The following RANBP2 variants were observed in gnomAD, a reference collection of about 807,000 sequenced individuals.
RANBP2 encodes E3 SUMO-protein ligase RanBP2.
RANBP2 carries 57 observed loss-of-function variants against 303.6 expected under a neutral mutation model. The ratio of observed to expected loss-of-function variants is 0.19; its 90% CI spans 0.15 to 0.23. The LOEUF (loss-of-function observed/expected upper bound fraction) is 0.23, where lower values mean the gene tolerates loss of function less well. Ranked by LOEUF, RANBP2 falls within the 10% of genes least tolerant of loss-of-function variation. The pLI, the probability that RANBP2 is intolerant of heterozygous loss-of-function variation, is 1.00. For missense variants in RANBP2, 3,138 were observed against 3,780.8 expected, an observed-to-expected ratio of 0.83 and a Z score of 4.46; for synonymous variants, 1,167 against 1,301.5, an observed-to-expected ratio of 0.90 and a Z score of 2.23.
chr2:109,536,569 C>A, the RANBP2 span, among the ~76,000 whole-genome samples: 1 of 152,162 alleles, frequency 6.6e-6, no homozygotes, highest in Non-Finnish European at 1.5e-5. Context: ...AGGGACTTGC[C>A]TTGTCTCAGA....
At chr2:109,058,687 A>G in the RANBP2 span, among the ~76,000 whole-genome samples, 2 of 152,214 alleles carry the variant, frequency 1.3e-5, no homozygotes, top group East Asian at 1.9e-4. Context: ...GGGAGCAACC[A>G]TTTTTATAGA....
chr2:109,621,838 G>A, the RANBP2 span, among the ~76,000 whole-genome samples: 1 of 151,950 alleles, frequency 6.6e-6, no homozygotes, highest in Non-Finnish European at 1.5e-5. Flanking sequence ...TCTTTAACCC[G>A]GGAGGCGGAG....
chr2:108,819,216 T>C, the RANBP2 span, among the ~76,000 whole-genome samples: 1 of 152,194 alleles, frequency 6.6e-6, no homozygotes, highest in South Asian at 2.1e-4. Flanking sequence ...GGCTAAAACA[T>C]TAAAAAGAAG....
At chr2:109,445,791 A>T in the RANBP2 span, among the ~76,000 whole-genome samples, 2 of 152,124 alleles carry the variant, frequency 1.3e-5, no homozygotes, top group African/African-American at 4.8e-5. Context: ...GTTCCATTTC[A>T]TCCCTGAAGT....
the RANBP2 span, among the ~76,000 whole-genome samples, chr2:108,821,582 A>G: frequency 6.6e-6 from 1 of 152,240 alleles, no homozygotes; most frequent in Non-Finnish European, 1.5e-5. Flanking sequence ...ACCCAAAGGC[A>G]GTAAGAAAGG....
chr2:109,585,971 T>C, the RANBP2 span: 11 of 625,014 alleles, frequency 1.8e-5, no homozygotes, highest in East Asian at 3.1e-4. Context: ...TCACCTAAGA[T>C]ACAAGCGATT....
At chr2:109,311,988 C>T in the RANBP2 span, among the ~76,000 whole-genome samples, 3 of 151,932 alleles carry the variant, frequency 2.0e-5, no homozygotes, top group Non-Finnish European at 4.4e-5. Flanking sequence ...GTGGTGAGGT[C>T]GGCTGCTGCT....
chr2:108,782,860 C>G lies in RANBP2; in HGVS notation c.9367C>G (p.Gln3123Glu), dbSNP rs1678350213. ...FHRVIPDFVC[Q>E]GGDITKHDGT... ...CAGAGTAATTCCAGATTTTGTTTGC[C>G]AAGTAGGTATTATTAAGTACATACC... The change falls in exon 28 of 29, where the codon CAA (glutamine) becomes GAA (glutamate). Residue 3123 changes from glutamine to glutamate, a missense_variant and splice_region_variant. By Grantham distance (29) the Gln-to-Glu change is conservative (BLOSUM62 2). Around this residue, in one of 20 missense-constraint regions of RANBP2, gnomAD observed 204 missense variants for 228.4 expected, o/e 0.89. Coordinates refer to ENST00000283195, the MANE Select transcript of RANBP2 (RefSeq NM_006267.5). 1.2e-6 allele frequency: 2 copies of G among 1,610,476 alleles called. No homozygotes were observed. The highest frequency in any genetic ancestry group is 1.7e-6 in the Non-Finnish European group (2 of 1,178,180).
Position 108,730,815 on chromosome 2 carries a change from A to T in RANBP2, c.182A>T (p.Lys61Ile). ...TYINVQERDP[K>I]AHRFLGLLYE... ...ATTAATGTGCAAGAGAGGGATCCCAAAGCTCACAGATTTCTGGGTCTTCTT... is the reference window on the plus strand; with the variant it reads ...ATTAATGTGCAAGAGAGGGATCCCATAGCTCACAGATTTCTGGGTCTTCTT... The change falls in exon 3 of 29, where the codon AAA becomes ATA. Residue 61 changes from lysine to isoleucine, a missense_variant. Around this residue, in one of 20 missense-constraint regions of RANBP2, gnomAD observed 306 missense variants for 381.9 expected, o/e 0.80. Coordinates refer to ENST00000283195, the MANE Select transcript of RANBP2 (RefSeq NM_006267.5). 6.2e-7 allele frequency: 1 copy of T among 1,611,686 alleles called. No individual in the cohort carries two copies. Among genetic ancestry groups the T allele is most frequent in the Non-Finnish European group, 8.5e-7 (1 of 1,179,660 alleles).
chr2:108,921,237 A>G, the RANBP2 span, among the ~76,000 whole-genome samples: 1 of 152,098 alleles, frequency 6.6e-6, no homozygotes, highest in African/African-American at 2.4e-5. Flanking sequence ...GGGCACTCCT[A>G]GGCTGGGGAG....
chr2:109,268,040 G>T, the RANBP2 span, among the ~76,000 whole-genome samples: 1 of 151,978 alleles, frequency 6.6e-6, no homozygotes, highest in Non-Finnish European at 1.5e-5. Context: ...AGTCCTTGTG[G>T]GTGAGGGGGT....
the RANBP2 span, among the ~76,000 whole-genome samples, chr2:109,499,869 GA>G: frequency 6.6e-6 from 1 of 152,200 alleles, no homozygotes; most frequent in Admixed American, 6.5e-5. Context: ...TTGCAATGGG[GA>G]ATAGGGTCCA....
the RANBP2 span, among the ~76,000 whole-genome samples, chr2:108,984,596 C>T: frequency 7.2e-5 from 11 of 152,180 alleles, no homozygotes; most frequent in African/African-American, 1.2e-4. Flanking sequence ...CACTCCCTCA[C>T]TTCATCCAGG....
At chr2:108,750,662 A>G (rs1194851679) in intron 9 of RANBP2, among the ~76,000 whole-genome samples, 2 of 151,594 alleles carry the variant, frequency 1.3e-5, no homozygotes, top group Non-Finnish European at 2.9e-5. Context: ...ATCTCGGCTC[A>G]CTGCAACTTC....
Position 108,783,958 on chromosome 2 carries a change from C to G in RANBP2, c.*57C>G. 1.4e-6 allele frequency: 2 copies of G among 1,478,162 alleles called. No homozygotes were observed. Among genetic ancestry groups the G allele is most frequent in the Non-Finnish European group, 9.3e-7 (1 of 1,070,908 alleles). The allele number at this position is 1,478,162 out of a possible 1,614,324, so 91.6% of individuals were successfully genotyped here. On this transcript the variant is annotated 3_prime_UTR_variant, in exon 29 of 29. Transcript: ENST00000283195. The stretch of plus-strand genomic sequence containing the variant: ...TATAAGCAGTTGGATTGAAGCTTAG[C>G]TATTACAATTTGATAGTTATGTTCA...
chr2:108,906,418 A>G, the RANBP2 span: 5 of 1,599,192 alleles, frequency 3.1e-6, no homozygotes, highest in East Asian at 2.2e-5. Flanking sequence ...GCAACAGTAG[A>G]AAGGAGGCAA....
the RANBP2 span, among the ~76,000 whole-genome samples, chr2:109,598,193 G>C: frequency 6.6e-6 from 1 of 151,884 alleles, no homozygotes; most frequent in Non-Finnish European, 1.5e-5. Flanking sequence ...CTCCCAAGTA[G>C]AGTAGCTAGG....
chr2:109,639,535 C>T, the RANBP2 span, among the ~76,000 whole-genome samples: 2 of 151,990 alleles, frequency 1.3e-5, no homozygotes, highest in South Asian at 2.1e-4. Flanking sequence ...AGGAGAATCG[C>T]TTGAACCCAG....
the RANBP2 span, among the ~76,000 whole-genome samples, chr2:109,002,927 G>T: frequency 2.0e-5 from 3 of 152,060 alleles, no homozygotes; most frequent in African/African-American, 7.2e-5. Context: ...CAGCAAAGTG[G>T]CTGGGCATGG....
Sources: allele counts gnomAD v4.1 joint callset (sites outside exome capture counted in the v4.1 genomes callset), GRCh38; gene constraint gnomAD v4.1.1; regional missense constraint gnomAD v4.1.1; transcripts MANE v1.5; gene names NCBI Gene and HGNC (gene_info 2026-07-23, HGNC 2026-07-21).